TUSC3: variants seen among roughly 807,000 people sequenced by gnomAD.
The protein encoded by TUSC3 is dolichyl-diphosphooligosaccharide--protein glycosyltransferase subunit TUSC3.
TUSC3 carries 45 observed loss-of-function variants against 44.8 expected under a neutral mutation model. That is an observed-to-expected ratio of 1.00 (90% CI 0.79 to 1.29). The LOEUF (loss-of-function observed/expected upper bound fraction) is 1.29, where lower values mean the gene tolerates loss of function less well. Among genes scored for constraint, TUSC3 ranks in the 50% most tolerant of loss-of-function variants. The pLI, the probability that TUSC3 is intolerant of heterozygous loss-of-function variation, is 0.00. For synonymous variants in TUSC3, 212 were observed against 152.9 expected (o/e 1.39, Z -2.85); for missense variants, 519 against 437.9 (o/e 1.19, Z -1.65).
chr8:15,848,640 AC>A, the TUSC3 span, among the ~76,000 whole-genome samples: 9 of 152,144 alleles, frequency 5.9e-5, no homozygotes, highest in African/African-American at 2.2e-4. Context: ...TGTCTTATGG[AC>A]TCAGACAAAG....
At chr8:15,455,253 C>T (rs1800239595) in intron 1 of TUSC3, among the ~76,000 whole-genome samples, 1 of 152,130 alleles carries the variant, frequency 6.6e-6, no homozygotes, top group South Asian at 2.1e-4. Flanking sequence ...ACTGGTGGAT[C>T]ATAATCTAGG....
intron 3 of TUSC3, among the ~76,000 whole-genome samples, chr8:15,658,815 G>A (rs546850829): frequency 6.6e-5 from 10 of 152,048 alleles, no homozygotes; most frequent in African/African-American, 2.4e-4. Flanking sequence ...CGAGGGTAGT[G>A]TTCTGTTTAG....
At chr8:15,446,496 C>A (rs958569944) in intron 1 of TUSC3, among the ~76,000 whole-genome samples, 4 of 152,122 alleles carry the variant, frequency 2.6e-5, no homozygotes, top group Admixed American at 1.3e-4. Context: ...GAGGCCCAGG[C>A]GGGCAGATCA....
chr8:15,772,724 C>T, the TUSC3 span, among the ~76,000 whole-genome samples: 1 of 152,172 alleles, frequency 6.6e-6, no homozygotes, highest in African/African-American at 2.4e-5. Context: ...AATTAATTAT[C>T]TCTTATGACA....
the TUSC3 span, among the ~76,000 whole-genome samples, chr8:15,837,993 A>T: frequency 0.012 from 1,784 of 152,294 alleles, 27 homozygotes; most frequent in African/African-American, 0.04. Context: ...TGCAATCATG[A>T]CTTACTATTT....
At chr8:15,525,597 A>T (rs981408977) in intron 2 of TUSC3, among the ~76,000 whole-genome samples, 1 of 152,152 alleles carries the variant, frequency 6.6e-6, no homozygotes. Flanking sequence ...GAGAACAAAA[A>T]AGTTTGAGAA....
At chr8:15,847,100 A>C in the TUSC3 span, among the ~76,000 whole-genome samples, 1 of 151,782 alleles carries the variant, frequency 6.6e-6, no homozygotes, top group South Asian at 2.1e-4. Flanking sequence ...GCAGTCCTCC[A>C]CTCTGTCCAT....
chr8:15,512,885 T>TATATATATATACAC (rs1358169360), intron 2 of TUSC3, among the ~76,000 whole-genome samples: 1 of 142,838 alleles, frequency 7.0e-6, no homozygotes, highest in South Asian at 2.2e-4. Context: ...TATATATATA[T>TATATATATATACAC]ACACACAATT....
the TUSC3 span, among the ~76,000 whole-genome samples, chr8:15,833,959 A>G: frequency 2.0e-5 from 3 of 152,128 alleles, no homozygotes; most frequent in Admixed American, 2.0e-4. Flanking sequence ...TAGTCTGAAA[A>G]TCATATTTAT....
chr8:15,493,036 T>A (rs113334776), intron 2 of TUSC3, among the ~76,000 whole-genome samples: 2 of 152,288 alleles, frequency 1.3e-5, no homozygotes, highest in African/African-American at 4.8e-5. Flanking sequence ...CTACCACTTA[T>A]TAAACCTCTA....
the TUSC3 span, among the ~76,000 whole-genome samples, chr8:15,843,469 A>G: frequency 6.6e-6 from 1 of 152,004 alleles, no homozygotes; most frequent in Non-Finnish European, 1.5e-5. Flanking sequence ...AGATGAATTT[A>G]TAGCAATGGG....
At chr8:15,587,401 C>G (rs1170958710) in intron 1 of TUSC3, among the ~76,000 whole-genome samples, 1 of 152,148 alleles carries the variant, frequency 6.6e-6, no homozygotes, top group Non-Finnish European at 1.5e-5. Flanking sequence ...AAAGCATCCA[C>G]TGTCTTTTCA....
At chr8:15,462,623 A>G (rs1388002619) in intron 1 of TUSC3, among the ~76,000 whole-genome samples, 1 of 152,158 alleles carries the variant, frequency 6.6e-6, no homozygotes, top group Non-Finnish European at 1.5e-5. Context: ...GTTTAAACCA[A>G]GATGGTAGAT....
the TUSC3 span, among the ~76,000 whole-genome samples, chr8:15,784,170 C>G: frequency 2.6e-5 from 4 of 152,128 alleles, no homozygotes; most frequent in East Asian, 5.8e-4. Flanking sequence ...ATTAGATTGC[C>G]TATGATTTTT....
intron 6 of TUSC3, chr8:15,689,461 C>T: frequency 5.7e-6 from 1 of 174,302 alleles, no homozygotes. Context: ...GCCAAGAAGG[C>T]CGCAGCTGGG....
chr8:15,531,155 C>G lies in TUSC3; in HGVS notation n.189+47672C>G, dbSNP rs557327893. ...GCTCAAGTTGCCAGAAGTAGGCCAA[C>G]AAATAAAATCCCAGGTTCAAAGTCA... On this transcript the variant is annotated intron_variant and non_coding_transcript_variant, in intron 2 of 5. Transcript: ENST00000503191. 1.4e-4 allele frequency among the ~76,000 whole-genome samples: 22 copies of G among 152,314 alleles called. No individual in the cohort carries two copies. The South Asian group carries it at 4.4e-3, about 30-fold the overall frequency.
intron 5 of TUSC3, among the ~76,000 whole-genome samples, chr8:15,664,976 T>G (rs1807593135): frequency 6.6e-6 from 1 of 151,458 alleles, no homozygotes; most frequent in African/African-American, 2.4e-5. Context: ...TGTTCATATG[T>G]AATTTTTCGT....
In TUSC3 at chr8:15,673,730, T is replaced by A. The variant is rs1808058188; in HGVS notation, c.709-17T>A. 1 of 1,599,422 alleles carries A rather than the reference T, an allele frequency of 6.3e-7. No homozygotes were observed. The highest frequency in any genetic ancestry group is 8.6e-7 in the Non-Finnish European group (1 of 1,167,198). The stretch of plus-strand genomic sequence containing the variant: ...TTCTCTGGTTTACATATTGAAACAC[T>A]GCACCCTGTTTTTCAGTGTATAGTC... On this transcript the variant is annotated splice_polypyrimidine_tract_variant and intron_variant, in intron 5 of 10. Coordinates refer to ENST00000503731, the MANE Select transcript of TUSC3 (RefSeq NM_006765.4).
At chr8:15,750,008 C>A (rs1027717099) in intron 9 of TUSC3, among the ~76,000 whole-genome samples, 1 of 145,590 alleles carries the variant, frequency 6.9e-6, no homozygotes, top group Non-Finnish European at 1.5e-5. Context: ...GAAACGGAGT[C>A]TTGCTCTGTT....
Sources: gnomAD v4.1 joint callset for allele counts (sites outside exome capture counted in the v4.1 genomes callset) on GRCh38, gnomAD v4.1.1 for gene constraint, MANE v1.5 for transcripts, NCBI Gene and HGNC (gene_info 2026-07-23, HGNC 2026-07-21) for gene names.